THOC1: variants seen among roughly 807,000 people sequenced by gnomAD.
THOC1 encodes THO complex 1.
THOC1 carries 29 observed loss-of-function variants against 97.3 expected under a neutral mutation model. That is an observed-to-expected ratio of 0.30 (90% CI 0.22 to 0.41). THOC1 has a LOEUF of 0.41. Among genes scored for constraint, THOC1 ranks in the 10% least tolerant of loss-of-function variants. THOC1 has a pLI of 1.00. For synonymous variants in THOC1, 255 were observed against 257.0 expected, an observed-to-expected ratio of 0.99 and a Z score of 0.07; for missense variants, 529 against 761.9, an observed-to-expected ratio of 0.69 and a Z score of 3.60.
chr18:215,853 ATTCT>A, intron 19 of THOC1: 1 of 231,820 alleles, frequency 4.3e-6, no homozygotes, highest in South Asian at 8.6e-5. Flanking sequence ...AAAGTTTCTG[ATTCT>A]TATCTTTTAT....
chr18:223,937 C>T, intron 16 of THOC1, 147 bp downstream of exon 16: 1 of 623,124 alleles, frequency 1.6e-6, no homozygotes, highest in Non-Finnish European at 2.8e-6. Flanking sequence ...ACACAATGGG[C>T]AGTATAGACA....
intron 11 of THOC1, among the ~76,000 whole-genome samples, chr18:232,986 A>G (rs1911537811): frequency 6.6e-6 from 1 of 152,130 alleles, no homozygotes; most frequent in Admixed American, 6.5e-5. Context: ...ATCTTCTCCC[A>G]GTCTGTGCCT....
chr18:219,662 A>G (rs974802874), intron 17 of THOC1, among the ~76,000 whole-genome samples: 3 of 152,150 alleles, frequency 2.0e-5, no homozygotes, highest in Non-Finnish European at 4.4e-5. Context: ...ATTACATAGT[A>G]TTTACTACAT....
chr18:222,960 A>T (rs896947646), intron 17 of THOC1, among the ~76,000 whole-genome samples: 1 of 149,798 alleles, frequency 6.7e-6, no homozygotes, highest in Admixed American at 6.7e-5. Flanking sequence ...TGTTTGCTGG[A>T]CCTCCTCAAC....
intron 17 of THOC1, among the ~76,000 whole-genome samples, chr18:221,365 A>G (rs1479951829): frequency 1.3e-5 from 2 of 151,836 alleles, no homozygotes; most frequent in South Asian, 2.1e-4. Flanking sequence ...AATTTTGTCA[A>G]ATTTTTGAGA....
chr18:232,462 A>G (rs557129972), intron 11 of THOC1, among the ~76,000 whole-genome samples: 1 of 151,888 alleles, frequency 6.6e-6, no homozygotes, highest in South Asian at 2.1e-4. Flanking sequence ...ATCCATTTTC[A>G]GTGCTTTATA....
Position 260,187 on chromosome 18 carries a change from G to T in THOC1, c.374C>A (p.Ser125Ter). The T allele has an allele frequency of 6.5e-7, 1 of 1,541,970 alleles. No individual in the cohort carries two copies. The highest frequency in any genetic ancestry group is 8.7e-7 in the Non-Finnish European group (1 of 1,143,978). The change falls in exon 5 of 21, where the codon TCA (serine) becomes TAA (stop). Residue 125 changes from serine to a stop codon, truncating the protein, a stop_gained and splice_region_variant. Transcript: ENST00000261600. LOFTEE classifies it high-confidence loss of function. ...FVEKNVATWK[S>*]NTFYSAGKNY... ...AGGAAAAGAAACTAAGGCACTTACTGATTTCCAAGTAGCAACATTTTTTTC... is the reference window on the plus strand; with the variant it reads ...AGGAAAAGAAACTAAGGCACTTACTTATTTCCAAGTAGCAACATTTTTTTC...
chr18:227,036 A>G (rs569173864), intron 11 of THOC1, 135 bp from the exon 12 acceptor site: 1 of 687,162 alleles, frequency 1.5e-6, no homozygotes, highest in Non-Finnish European at 2.5e-6. Context: ...AGTTCACTGC[A>G]TGTGAGGCAT....
intron 11 of THOC1, chr18:245,203 G>A (rs1912049149): frequency 6.6e-6 from 1 of 152,064 alleles, no homozygotes; most frequent in African/African-American, 2.4e-5. Context: ...GATTTTGCTG[G>A]TGATCCTTCT....
At chr18:237,353 C>T (rs1231569002) in intron 11 of THOC1, among the ~76,000 whole-genome samples, 4 of 152,042 alleles carry the variant, frequency 2.6e-5, no homozygotes, top group Non-Finnish European at 5.9e-5. Context: ...GATGGGGTTT[C>T]ACTATGTTGG....
chr18:215,718 A>G (rs1042559859), intron 19 of THOC1: 1 of 493,226 alleles, frequency 2.0e-6, no homozygotes, highest in Non-Finnish European at 3.6e-6. Flanking sequence ...CAGAGTTGGA[A>G]AGACTCCCCA....
At chr18:252,010 T>C (rs1411048254) in intron 9 of THOC1, among the ~76,000 whole-genome samples, 1 of 152,212 alleles carries the variant, frequency 6.6e-6, no homozygotes, top group Non-Finnish European at 1.5e-5. Flanking sequence ...AACTTTTGTT[T>C]GTTAGCCTAT....
In THOC1 at chr18:224,912, G is replaced by T; in HGVS notation, c.1208+12C>A. 1 of 1,559,612 alleles carries T rather than the reference G, an allele frequency of 6.4e-7. No homozygotes were observed. The highest frequency in any genetic ancestry group is 8.7e-7 in the Non-Finnish European group (1 of 1,148,992). On this transcript the variant is annotated intron_variant, in intron 15 of 20. Transcript: ENST00000261600. The stretch of plus-strand genomic sequence containing the variant: ...TGAGTATGTATTTACCTTTCTTTCA[G>T]TATGTATTTACCTTTCTTTCACAAA...
rs576525295 is a variant in THOC1 at position 245,148 on chromosome 18, T to C, written c.918+1176A>G. 2.4e-4 allele frequency: 37 copies of C among 152,306 alleles called. 1 individual carries two copies. The highest frequency in any genetic ancestry group is 8.9e-4 in the African/African-American group (37 of 41,548). The allele number at this position is 152,306 out of a possible 1,614,324, so 9.4% of individuals were successfully genotyped here. A position where few individuals can be genotyped will look rare whatever the true frequency, so the allele number is the denominator to read the frequency against. ...AACATACATAAAGTCTTGGTCAGGC[T>C]ATATATTTCATCTGGAATAAATATA... On this transcript the variant is annotated intron_variant, in intron 11 of 20. Coordinates refer to ENST00000261600, the MANE Select transcript of THOC1 (RefSeq NM_005131.3).
At position 214,621 on chromosome 18, in the gene THOC1, A is replaced by G; in HGVS notation, c.*5T>C. On this transcript the variant is annotated 3_prime_UTR_variant, in exon 21 of 21. Coordinates refer to ENST00000261600, the MANE Select transcript of THOC1 (RefSeq NM_005131.3). Reference sequence around the variant, plus strand: ...CAGTTTTAATAAAAAGAAAAAAAAAAGAAGCTAACTATTTGTCTCATTGTC... The same window carrying G: ...CAGTTTTAATAAAAAGAAAAAAAAAGGAAGCTAACTATTTGTCTCATTGTC... 6.3e-7 allele frequency: 1 copy of G among 1,583,442 alleles called. No homozygotes were observed. Among genetic ancestry groups the G allele is most frequent in the African/African-American group, 1.4e-5 (1 of 73,280 alleles).
chr18:243,750 G>C (rs1911991935), intron 11 of THOC1, among the ~76,000 whole-genome samples: 1 of 152,094 alleles, frequency 6.6e-6, no homozygotes, highest in Non-Finnish European at 1.5e-5. Context: ...AGCAAGAAGA[G>C]CTTTGGGATT....
intron 12 of THOC1, 94 bp downstream of exon 12, chr18:226,707 C>CTGT: frequency 1.2e-6 from 1 of 848,106 alleles, no homozygotes; most frequent in Non-Finnish European, 1.9e-6. Flanking sequence ...ACAGCCTTAA[C>CTGT]ATGAAATGGA....
intron 11 of THOC1, among the ~76,000 whole-genome samples, chr18:241,182 AG>A (rs1401858819): frequency 1.3e-5 from 2 of 152,202 alleles, no homozygotes; most frequent in African/African-American, 4.8e-5. Context: ...AAAAAATTGT[AG>A]CATAGTGGTT....
At chr18:217,964 G>A (rs2143138934) in intron 18 of THOC1, among the ~76,000 whole-genome samples, 1 of 152,288 alleles carries the variant, frequency 6.6e-6, no homozygotes, top group South Asian at 2.1e-4. Context: ...GTTTGGAATA[G>A]GCACTCACTG....
Sources: gnomAD v4.1 joint callset for allele counts (sites outside exome capture counted in the v4.1 genomes callset) on GRCh38, gnomAD v4.1.1 for gene constraint, MANE v1.5 for transcripts, NCBI Gene and HGNC (gene_info 2026-07-23, HGNC 2026-07-21) for gene names.